The following NELL1 variants were observed in gnomAD, a reference collection of about 807,000 sequenced individuals.
NELL1 encodes protein kinase C-binding protein NELL1.
Under a neutral mutation model 107.4 loss-of-function variants are expected in NELL1, and 76 were observed. The observed-to-expected ratio is 0.71, with a 90% confidence interval of 0.59 to 0.86. The LOEUF (loss-of-function observed/expected upper bound fraction) is 0.86. Ranked by LOEUF, NELL1 falls within the 40% of genes least tolerant of loss-of-function variation. The pLI is 0.00. For synonymous variants in NELL1, 353 were observed against 341.2 expected (o/e 1.03, Z -0.38); for missense variants, 1,024 against 1,005.5 (o/e 1.02, Z -0.25).
chr11:21,377,109 C>A (rs1002152868), intron 15 of NELL1, among the ~76,000 whole-genome samples: 11 of 151,962 alleles, frequency 7.2e-5, no homozygotes, highest in African/African-American at 2.4e-4. Context: ...GAGTGAATAT[C>A]TTTGTCTTGT....
chr11:21,298,127 G>C (rs1334893488), intron 14 of NELL1, among the ~76,000 whole-genome samples: 2 of 151,956 alleles, frequency 1.3e-5, no homozygotes, highest in African/African-American at 2.4e-5. Context: ...AAGGTGAACA[G>C]CTGATTTTTC....
At chr11:21,035,713 G>A (rs114127532) in intron 12 of NELL1, among the ~76,000 whole-genome samples, 2,470 of 152,138 alleles carry the variant, frequency 0.016, 64 homozygotes, top group African/African-American at 0.056. Context: ...TCTATAAACT[G>A]GGTATCGAAG....
At chr11:20,682,085 A>G (rs994965292) in intron 2 of NELL1, among the ~76,000 whole-genome samples, 28 of 152,192 alleles carry the variant, frequency 1.8e-4, no homozygotes, top group African/African-American at 4.8e-4. Context: ...GGTTCTGGGG[A>G]TTAAAATATG....
At chr11:20,921,567 T>C (rs1850376589) in intron 7 of NELL1, among the ~76,000 whole-genome samples, 1 of 152,062 alleles carries the variant, frequency 6.6e-6, no homozygotes, top group Non-Finnish European at 1.5e-5. Context: ...TAGGGAGTAA[T>C]ATTACTCTTT....
At chr11:20,877,875 G>A (rs141146490) in intron 4 of NELL1, among the ~76,000 whole-genome samples, 31 of 152,254 alleles carry the variant, frequency 2.0e-4, no homozygotes, top group African/African-American at 7.5e-4. Flanking sequence ...CCTTGTAAAG[G>A]CTCAAGTGAA....
At chr11:21,055,210 G>A (rs1853584673) in intron 12 of NELL1, among the ~76,000 whole-genome samples, 1 of 151,850 alleles carries the variant, frequency 6.6e-6, no homozygotes, top group South Asian at 2.1e-4. Flanking sequence ...TTTAGTTTTT[G>A]TAGCATTATG....
chr11:21,525,578 G>A (rs1855831596), intron 15 of NELL1, among the ~76,000 whole-genome samples: 1 of 152,180 alleles, frequency 6.6e-6, no homozygotes, highest in Non-Finnish European at 1.5e-5. Context: ...AATATTAAAA[G>A]TAGCTGTTTT....
intron 2 of NELL1, among the ~76,000 whole-genome samples, chr11:20,703,970 T>G (rs966051776): frequency 6.6e-6 from 1 of 152,212 alleles, no homozygotes; most frequent in South Asian, 2.1e-4. Flanking sequence ...CTGAGAAGAA[T>G]GTATATTCTG....
chr11:20,795,012 G>A (rs1857142897), intron 3 of NELL1, among the ~76,000 whole-genome samples: 1 of 152,260 alleles, frequency 6.6e-6, no homozygotes, highest in Non-Finnish European at 1.5e-5. Flanking sequence ...GGAAATCACT[G>A]TTTCCAATCT....
chr11:21,412,811 G>A (rs998662901), intron 15 of NELL1, among the ~76,000 whole-genome samples: 26 of 152,056 alleles, frequency 1.7e-4, no homozygotes, highest in African/African-American at 6.3e-4. Flanking sequence ...GTGACATGGT[G>A]GCATTTGGGT....
intron 5 of NELL1, among the ~76,000 whole-genome samples, chr11:20,911,024 G>A (rs1050924609): frequency 1.3e-5 from 2 of 152,144 alleles, no homozygotes; most frequent in Non-Finnish European, 2.9e-5. Flanking sequence ...AGAAATGAAG[G>A]CACTCTTCCT....
chr11:21,456,889 G>T (rs1853758669), intron 15 of NELL1, among the ~76,000 whole-genome samples: 1 of 21,608 alleles, frequency 4.6e-5, no homozygotes, highest in African/African-American at 1.9e-4. Context: ...GTTTATAAAT[G>T]AGGTGTTTTT....
chr11:20,820,838 C>T (rs566062073), intron 3 of NELL1, among the ~76,000 whole-genome samples: 3 of 152,212 alleles, frequency 2.0e-5, no homozygotes, highest in Non-Finnish European at 2.9e-5. Context: ...AGCCCCTTCT[C>T]TGCCCCTGCC....
chr11:21,455,575 C>G (rs1252068232), intron 15 of NELL1, among the ~76,000 whole-genome samples: 1 of 151,914 alleles, frequency 6.6e-6, no homozygotes, highest in African/African-American at 2.4e-5. Context: ...CTTAAGCAAC[C>G]CTCCCACCTT....
chr11:21,000,138 A>T (rs2134271287), intron 12 of NELL1, among the ~76,000 whole-genome samples: 1 of 152,296 alleles, frequency 6.6e-6, no homozygotes, highest in East Asian at 1.9e-4. Context: ...AAACTTTTCT[A>T]CTTAGCTGAC....
intron 2 of NELL1, among the ~76,000 whole-genome samples, chr11:20,698,486 A>G (rs2133876640): frequency 6.6e-6 from 1 of 152,300 alleles, no homozygotes; most frequent in African/African-American, 2.4e-5. Context: ...ATATGGGCCA[A>G]TTTCATCTGA....
chr11:21,417,411 A>G (rs757249319), intron 15 of NELL1, among the ~76,000 whole-genome samples: 10 of 151,832 alleles, frequency 6.6e-5, no homozygotes, highest in Non-Finnish European at 1.2e-4. Context: ...GTATTTACAG[A>G]TTTATGTATT....
At chr11:21,222,305 G>A (rs982471960) in intron 13 of NELL1, among the ~76,000 whole-genome samples, 9 of 151,624 alleles carry the variant, frequency 5.9e-5, no homozygotes, top group Non-Finnish European at 8.8e-5. Context: ...TCAGCCTCCC[G>A]AGTAGCTGGG....
intron 15 of NELL1, among the ~76,000 whole-genome samples, chr11:21,414,496 A>G (rs897891844): frequency 6.6e-6 from 1 of 151,254 alleles, no homozygotes; most frequent in Non-Finnish European, 1.5e-5. Context: ...GCATTCCTGG[A>G]TCACAGCCTA....
Sources: gnomAD v4.1 joint callset for allele counts (sites outside exome capture counted in the v4.1 genomes callset) on GRCh38, gnomAD v4.1.1 for gene constraint, MANE v1.5 for transcripts, NCBI Gene and HGNC (gene_info 2026-07-23, HGNC 2026-07-21) for gene names.